SAMD4A: variants seen among roughly 807,000 people sequenced by gnomAD.
SAMD4A encodes the protein sterile alpha motif domain containing 4A.
In SAMD4A, 33 loss-of-function variants were observed where a neutral mutation model predicts 81.3. The observed-to-expected ratio is 0.41, with a 90% confidence interval of 0.31 to 0.54. The LOEUF (loss-of-function observed/expected upper bound fraction) is 0.54. Ranked by LOEUF, SAMD4A falls within the 20% of genes least tolerant of loss-of-function variation. The pLI is 0.37. For synonymous variants in SAMD4A, 389 were observed against 382.1 expected, an observed-to-expected ratio of 1.02 and a Z score of -0.21; for missense variants, 854 against 951.1, an observed-to-expected ratio of 0.90 and a Z score of 1.34.
chr14:54,692,775 G>C (rs2036474455), intron 2 of SAMD4A, among the ~76,000 whole-genome samples: 1 of 151,244 alleles, frequency 6.6e-6, no homozygotes, highest in East Asian at 1.9e-4. Context: ...ACAAGAATGT[G>C]TCTTGTGTTT....
chr14:54,624,819 A>G (rs907749739), intron 2 of SAMD4A, among the ~76,000 whole-genome samples: 1 of 152,180 alleles, frequency 6.6e-6, no homozygotes, highest in African/African-American at 2.4e-5. Context: ...ATAAATAACT[A>G]AATCAGAAAG....
chr14:54,707,468 G>C (rs1403020226), intron 3 of SAMD4A, among the ~76,000 whole-genome samples: 2 of 152,122 alleles, frequency 1.3e-5, no homozygotes, highest in Admixed American at 6.5e-5. Flanking sequence ...AGTGCCTACT[G>C]TTGTGTCTTC....
chr14:54,615,891 C>A (rs2034478328), intron 2 of SAMD4A, among the ~76,000 whole-genome samples: 1 of 152,014 alleles, frequency 6.6e-6, no homozygotes, highest in Non-Finnish European at 1.5e-5. Flanking sequence ...CTCCCCTCCC[C>A]CCCGATAGAA....
At chr14:54,604,876 A>G (rs913166806) in intron 2 of SAMD4A, among the ~76,000 whole-genome samples, 17 of 152,216 alleles carry the variant, frequency 1.1e-4, no homozygotes, top group Non-Finnish European at 2.9e-5. Context: ...GTGTCTTTGA[A>G]GCTGTCTCTG....
intron 2 of SAMD4A, among the ~76,000 whole-genome samples, chr14:54,625,606 C>A (rs1240209688): frequency 6.6e-6 from 1 of 152,278 alleles, no homozygotes; most frequent in East Asian, 1.9e-4. Context: ...CCCTCCATAC[C>A]TCTTTAAAAA....
chr14:54,697,563 T>C (rs1398463517), intron 2 of SAMD4A, among the ~76,000 whole-genome samples: 1 of 151,990 alleles, frequency 6.6e-6, no homozygotes, highest in Non-Finnish European at 1.5e-5. Context: ...GGAAGGGAAA[T>C]GTTTAGTGGC....
rs1282689049 is a variant in SAMD4A, at chr14:54,770,200, T to G, written c.1693T>G (p.Ser565Ala). The stretch of plus-strand genomic sequence containing the variant: ...CCCTCGGAAAACCCTTCTAGACATA[T>G]CAGGATATCGACAGCAAAGAAAGTA... ...SFPRKTLLDI[S>A]GYRQQRNRGF... The change falls in exon 9 of 13, where the codon TCA becomes GCA. Residue 565 changes from serine to alanine, a missense_variant. By Grantham distance (99) the Ser-to-Ala change is moderately conservative. Coordinates refer to ENST00000554335, the MANE Select transcript of SAMD4A (RefSeq NM_015589.6). 1.2e-6 allele frequency: 2 copies of G among 1,611,792 alleles called. No homozygotes were observed. Among genetic ancestry groups the G allele is most frequent in the Non-Finnish European group, 1.7e-6 (2 of 1,177,902 alleles).
chr14:54,706,952 T>G (rs893083643), intron 3 of SAMD4A, among the ~76,000 whole-genome samples: 1 of 152,094 alleles, frequency 6.6e-6, no homozygotes, highest in Admixed American at 6.5e-5. Flanking sequence ...ATGAGTGGCA[T>G]CTGACAAGTG....
At position 54,604,627 on chromosome 14, in the gene SAMD4A, G is replaced by A. The variant is rs113211066; in HGVS notation, c.196+36515G>A. Among the ~76,000 whole-genome samples, 194 of 152,212 alleles carry A rather than the reference G, an allele frequency of 1.3e-3. 1 individual carries two copies. The highest frequency in any genetic ancestry group is 3.6e-3 in the African/African-American group (150 of 41,542). On this transcript the variant is annotated intron_variant, in intron 2 of 12. Coordinates refer to ENST00000554335, the MANE Select transcript of SAMD4A (RefSeq NM_015589.6). Reference sequence around the variant, plus strand: ...TTTGTAGTTCTGAAAATTTATGAACGCTTATACATGTTGCTTATAAATCCT... The same window carrying A: ...TTTGTAGTTCTGAAAATTTATGAACACTTATACATGTTGCTTATAAATCCT...
At chr14:54,728,076 G>A (rs1210718486) in intron 3 of SAMD4A, among the ~76,000 whole-genome samples, 19 of 152,144 alleles carry the variant, frequency 1.2e-4, no homozygotes, top group African/African-American at 3.9e-4. Flanking sequence ...GGTCCTGGGC[G>A]CTGAATTATG....
rs981718412 is a variant in SAMD4A at position 54,791,334 on chromosome 14, A to T, written c.*2390A>T. ...GCATTCGGATCTGCTGCAAAAACACATATATCCATAAAGACTCATGTTATT... is the reference window on the plus strand; with the variant it reads ...GCATTCGGATCTGCTGCAAAAACACTTATATCCATAAAGACTCATGTTATT... On this transcript the variant is annotated 3_prime_UTR_variant, in exon 13 of 13. Coordinates refer to ENST00000554335, the MANE Select transcript of SAMD4A (RefSeq NM_015589.6). 6.6e-6 allele frequency: 1 copy of T among 152,240 alleles called. No individual in the cohort carries two copies. The highest frequency in any genetic ancestry group is 1.5e-5 in the Non-Finnish European group (1 of 68,036). 9.4% of individuals were successfully genotyped at this position (152,240 alleles called of 1,614,324 possible). A position where few individuals can be genotyped will look rare whatever the true frequency, so the allele number is the denominator to read the frequency against.
At chr14:54,689,501 G>A (rs2036374147) in intron 2 of SAMD4A, 1 of 152,246 alleles carries the variant, frequency 6.6e-6, no homozygotes, top group Admixed American at 6.5e-5. Context: ...TGGAGGAACT[G>A]AAGCACAGAG....
At chr14:54,602,359 C>T (rs1478042928) in intron 2 of SAMD4A, among the ~76,000 whole-genome samples, 1 of 149,744 alleles carries the variant, frequency 6.7e-6, no homozygotes, top group Non-Finnish European at 1.5e-5. Flanking sequence ...CACACACACA[C>T]ACACACACAC....
chr14:54,638,563 A>C (rs1940499143), intron 2 of SAMD4A, among the ~76,000 whole-genome samples: 1 of 152,248 alleles, frequency 6.6e-6, no homozygotes, highest in African/African-American at 2.4e-5. Flanking sequence ...TCCCTGATTT[A>C]AAAGCATCTT....
At chr14:54,583,868 GA>G (rs1220879878) in intron 2 of SAMD4A, among the ~76,000 whole-genome samples, 3 of 152,182 alleles carry the variant, frequency 2.0e-5, no homozygotes, top group Non-Finnish European at 4.4e-5. Flanking sequence ...GAATTTAAAT[GA>G]TTTTGGTTTT....
intron 2 of SAMD4A, among the ~76,000 whole-genome samples, chr14:54,628,029 C>T (rs2034806291): frequency 6.6e-6 from 1 of 151,086 alleles, no homozygotes; most frequent in Admixed American, 6.7e-5. Flanking sequence ...TTCTGTGGCA[C>T]ACACGCAGAA....
At position 54,737,078 on chromosome 14, in the gene SAMD4A, C is replaced by T; in HGVS notation, c.770C>T (p.Pro257Leu). The T allele has an allele frequency of 1.9e-6, 3 of 1,614,078 alleles. No homozygotes were observed. The change falls in exon 4 of 13, where the codon CCA becomes CTA. Residue 257 changes from proline (P) to leucine (L), a missense_variant. Around this residue, in one of 3 missense-constraint regions of SAMD4A, gnomAD observed 387 missense variants for 405.8 expected, o/e 0.95. Transcript: ENST00000554335. Reference protein sequence around the residue: ...SPLKRSVSLTPPMNVPNQPLG... With the variant: ...SPLKRSVSLTLPMNVPNQPLG... ...TTGAAACGATCTGTGTCCCTTACCC[C>T]ACCCATGAATGTGCCAAACCAGCCT... is the stretch of plus-strand genomic sequence containing the variant.
intron 2 of SAMD4A, among the ~76,000 whole-genome samples, chr14:54,578,005 G>A (rs957301590): frequency 6.6e-6 from 1 of 152,184 alleles, no homozygotes; most frequent in Non-Finnish European, 1.5e-5. Flanking sequence ...AGATTTGGAC[G>A]AGCCTTTAGC....
rs779454256 is a variant in SAMD4A, at chr14:54,776,522, C to A, written c.2026C>A (p.Leu676Met). 6.4e-7 allele frequency: 1 copy of A among 1,573,580 alleles called. No homozygotes were observed. Among genetic ancestry groups the A allele is most frequent in the South Asian group, 1.2e-5 (1 of 85,410 alleles). ...CGTGCACACTTCCCCACAGAACATG[C>A]TGATGTTCCAGCAGCCAGGTAGGGC... is the stretch of plus-strand genomic sequence containing the variant. The part of the protein sequence containing the change: ...LPVHTSPQNM[L>M]MFQQPEFQLP... The change falls in exon 11 of 13, where the codon CTG becomes ATG. Residue 676 changes from leucine to methionine, a missense_variant. Physicochemically the swap from Leu to Met is conservative, Grantham distance 15. Transcript: ENST00000554335.
Sources: allele counts gnomAD v4.1 joint callset (sites outside exome capture counted in the v4.1 genomes callset), GRCh38; gene constraint gnomAD v4.1.1; regional missense constraint gnomAD v4.1.1; transcripts MANE v1.5; gene names NCBI Gene and HGNC (gene_info 2026-07-23, HGNC 2026-07-21).